The following RSU1 variants were observed in gnomAD, a reference collection of about 807,000 sequenced individuals.
The protein encoded by RSU1 is Ras suppressor protein 1.
RSU1 carries 26 observed loss-of-function variants against 31.1 expected under a neutral mutation model. The ratio of observed to expected loss-of-function variants is 0.84; its 90% CI spans 0.61 to 1.16. The LOEUF (loss-of-function observed/expected upper bound fraction) is 1.16, where lower values mean the gene tolerates loss of function less well. Among genes scored for constraint, RSU1 ranks in the 50% most tolerant of loss-of-function variants. The pLI is 0.00. For synonymous variants in RSU1, 164 were observed against 136.3 expected (o/e 1.20, Z -1.41); for missense variants, 320 against 339.1 (o/e 0.94, Z 0.44).
At chr10:16,623,735 T>A (rs1456739643) in intron 8 of RSU1, among the ~76,000 whole-genome samples, 2 of 152,230 alleles carry the variant, frequency 1.3e-5, no homozygotes, top group Non-Finnish European at 2.9e-5. Flanking sequence ...TGAGATAGTA[T>A]CTCACTGTGG....
chr10:16,802,680 G>C (rs1838183754), intron 2 of RSU1, among the ~76,000 whole-genome samples: 1 of 152,056 alleles, frequency 6.6e-6, no homozygotes, highest in Non-Finnish European at 1.5e-5. Flanking sequence ...AATGTACTAA[G>C]AGTACACACA....
At chr10:16,607,822 T>C (rs1350616997) in intron 8 of RSU1, among the ~76,000 whole-genome samples, 1 of 152,196 alleles carries the variant, frequency 6.6e-6, no homozygotes, top group African/African-American at 2.4e-5. Flanking sequence ...ACCTCTAAGA[T>C]TCCTTCTGTG....
chr10:16,703,175 T>A (rs1468973541), intron 7 of RSU1, among the ~76,000 whole-genome samples: 2 of 152,204 alleles, frequency 1.3e-5, no homozygotes, highest in African/African-American at 4.8e-5. Context: ...GATGCCAGCA[T>A]CATGCTTCCT....
At chr10:16,746,590 G>T (rs187886421) in intron 7 of RSU1, among the ~76,000 whole-genome samples, 1 of 151,622 alleles carries the variant, frequency 6.6e-6, no homozygotes, top group African/African-American at 2.4e-5. Context: ...CGGTCTCATC[G>T]GCAGGTGAGA....
At chr10:16,779,170 T>C (rs1008771002) in intron 3 of RSU1, among the ~76,000 whole-genome samples, 5 of 152,140 alleles carry the variant, frequency 3.3e-5, no homozygotes, top group Admixed American at 3.3e-4. Flanking sequence ...CAAAAACCCA[T>C]CAACGCTGCC....
chr10:16,780,928 C>T (rs1837635818), intron 3 of RSU1, among the ~76,000 whole-genome samples: 2 of 152,202 alleles, frequency 1.3e-5, no homozygotes, highest in Non-Finnish European at 2.9e-5. Context: ...CAAATATACG[C>T]TTTGGCTAAC....
intron 2 of RSU1, among the ~76,000 whole-genome samples, chr10:16,814,451 GAAAA>G (rs369214166): frequency 1.7e-5 from 2 of 121,202 alleles, no homozygotes; most frequent in Admixed American, 1.8e-4. Flanking sequence ...CTGTTTTCAG[GAAAA>G]AAAAAAAAAA....
chr10:16,648,592 C>G (rs1834621630), intron 8 of RSU1, among the ~76,000 whole-genome samples: 1 of 152,062 alleles, frequency 6.6e-6, no homozygotes, highest in Admixed American at 6.6e-5. Flanking sequence ...GGGAGATGAA[C>G]AGATGGCTAA....
intron 8 of RSU1, among the ~76,000 whole-genome samples, chr10:16,628,146 T>C (rs543940225): frequency 6.6e-6 from 1 of 152,366 alleles, no homozygotes; most frequent in African/African-American, 2.4e-5. Flanking sequence ...TTGACAACAA[T>C]CTGCCAATTG....
chr10:16,663,861 C>G (rs1482250200), intron 8 of RSU1, among the ~76,000 whole-genome samples: 1 of 152,178 alleles, frequency 6.6e-6, no homozygotes, highest in African/African-American at 2.4e-5. Flanking sequence ...TCTTTTCAGA[C>G]TGCCCTTTGG....
intron 8 of RSU1, among the ~76,000 whole-genome samples, chr10:16,609,668 G>A (rs922121614): frequency 2.0e-5 from 3 of 152,276 alleles, no homozygotes; most frequent in African/African-American, 7.2e-5. Flanking sequence ...TGTAACAATC[G>A]TCTCCTACTA....
At chr10:16,615,716 T>C (rs1261745027) in intron 8 of RSU1, among the ~76,000 whole-genome samples, 2 of 152,282 alleles carry the variant, frequency 1.3e-5, no homozygotes, top group South Asian at 2.1e-4. Flanking sequence ...GAACTTGGGA[T>C]TAAGAAACAC....
intron 8 of RSU1, among the ~76,000 whole-genome samples, chr10:16,654,471 A>T (rs1333611330): frequency 6.7e-6 from 1 of 149,418 alleles, no homozygotes. Context: ...GGAGTTTGAG[A>T]CCAGCCCGAG....
intron 8 of RSU1, among the ~76,000 whole-genome samples, chr10:16,609,925 C>G (rs1050285600): frequency 6.6e-6 from 1 of 152,152 alleles, no homozygotes; most frequent in African/African-American, 2.4e-5. Context: ...CAGAATAGCG[C>G]TGTCCAAAAT....
chr10:16,791,835 C>T (rs1026887373), intron 2 of RSU1, among the ~76,000 whole-genome samples: 6 of 152,110 alleles, frequency 3.9e-5, no homozygotes, highest in African/African-American at 1.4e-4. Flanking sequence ...ATTACAGACT[C>T]GTTCCCAAGG....
At chr10:16,786,343 C>G (rs1837791993) in intron 2 of RSU1, among the ~76,000 whole-genome samples, 1 of 152,174 alleles carries the variant, frequency 6.6e-6, no homozygotes, top group Admixed American at 6.5e-5. Context: ...TGAGTCCATC[C>G]AAGCTGGCTT....
intron 7 of RSU1, among the ~76,000 whole-genome samples, chr10:16,731,554 C>T (rs972622119): frequency 2.0e-5 from 3 of 152,230 alleles, no homozygotes; most frequent in Non-Finnish European, 1.5e-5. Flanking sequence ...GAAGCTTTTA[C>T]GGTGCCTGGC....
At chr10:16,773,257 C>T (rs1837458788) in intron 3 of RSU1, among the ~76,000 whole-genome samples, 1 of 151,436 alleles carries the variant, frequency 6.6e-6, no homozygotes, top group Non-Finnish European at 1.5e-5. Context: ...CAAGAGGCCA[C>T]AAGTGGACTG....
intron 8 of RSU1, among the ~76,000 whole-genome samples, chr10:16,693,517 ACCTT>A (rs1835607921): frequency 6.6e-6 from 1 of 151,778 alleles, no homozygotes; most frequent in South Asian, 2.1e-4. Context: ...ACTAAATGTG[ACCTT>A]TAGCAATCTT....
Sources: gnomAD v4.1 joint callset for allele counts (sites outside exome capture counted in the v4.1 genomes callset) on GRCh38, gnomAD v4.1.1 for gene constraint, MANE v1.5 for transcripts, NCBI Gene and HGNC (gene_info 2026-07-23, HGNC 2026-07-21) for gene names.